Variants in SEPTIN9 observed in about 807,000 individuals in gnomAD.
SEPTIN9 encodes the protein septin 9, also known as septin-9.
A neutral mutation model predicts 56.6 loss-of-function variants in SEPTIN9; 13 were observed. That is an observed-to-expected ratio of 0.23 (90% confidence interval 0.15 to 0.37). The LOEUF (loss-of-function observed/expected upper bound fraction) is 0.37. SEPTIN9 is among the 10% of genes least tolerant of loss of function. SEPTIN9 has a pLI of 1.00. For missense variants in SEPTIN9, 650 were observed against 823.1 expected, an observed-to-expected ratio of 0.79 and a Z score of 2.57; for synonymous variants, 332 against 334.1, an observed-to-expected ratio of 0.99 and a Z score of 0.07.
intron 2 of SEPTIN9, among the ~76,000 whole-genome samples, chr17:77,386,147 G>A (rs931240827): frequency 6.6e-6 from 1 of 152,188 alleles, no homozygotes; most frequent in Non-Finnish European, 1.5e-5. Context: ...AGCCATGCTG[G>A]GGATAACTTG....
At chr17:77,483,093 G>T (rs1382310672) in intron 4 of SEPTIN9, 1 of 155,826 alleles carries the variant, frequency 6.4e-6, no homozygotes, top group Non-Finnish European at 1.4e-5. Context: ...GGAGGGGTCT[G>T]GGGAAGTGCC....
Position 77,491,631 on chromosome 17 carries a change from C to T in SEPTIN9, c.1380+772C>T, listed in dbSNP as rs557122468. On this transcript the variant is annotated intron_variant, in intron 8 of 11. Transcript: ENST00000427177. ...AGTTTGAGGCCAACATGATGAAACC[C>T]CATCTCTACTAAAAATACAAAAATA... Among the ~76,000 whole-genome samples the T allele has an allele frequency of 2.6e-5, 4 of 151,646 alleles. No individual in the cohort carries two copies. In the East Asian group the frequency reaches 8.0e-4, roughly 30 times the overall value.
rs1488176562 is a variant in SEPTIN9 at position 77,498,718 on chromosome 17, C to A, written c.*60C>A. 8.3e-6 allele frequency: 7 copies of A among 841,734 alleles called. No homozygotes were observed. Among genetic ancestry groups the A allele is most frequent in the Non-Finnish European group, 1.3e-5 (7 of 546,428 alleles). The allele number at this position is 841,734 out of a possible 1,614,324, so 52.1% of individuals were successfully genotyped here. On this transcript the variant is annotated 3_prime_UTR_variant, in exon 12 of 12. Coordinates refer to ENST00000427177, the MANE Select transcript of SEPTIN9 (RefSeq NM_001113491.2). ...AAGTCATTTCCGTCCCCCCCCAGGC[C>A]CTCCCACCACCCCATTTTATTTTAT...
chr17:77,407,437 C>T (rs560401686), intron 3 of SEPTIN9, among the ~76,000 whole-genome samples: 1 of 152,040 alleles, frequency 6.6e-6, no homozygotes, highest in African/African-American at 2.4e-5. Context: ...GTAGTGACCC[C>T]CATGGGTCGT....
chr17:77,418,880 C>CCCCT (rs1336581962), intron 3 of SEPTIN9, among the ~76,000 whole-genome samples: 1 of 152,128 alleles, frequency 6.6e-6, no homozygotes, highest in Non-Finnish European at 1.5e-5. Flanking sequence ...TGAGCTGAGG[C>CCCCT]CCCTGGAAGC....
intron 3 of SEPTIN9, among the ~76,000 whole-genome samples, chr17:77,418,038 G>A (rs1265782433): frequency 6.6e-6 from 1 of 152,156 alleles, no homozygotes; most frequent in Non-Finnish European, 1.5e-5. Context: ...CCTGGCGGTG[G>A]GGGGAGTGCC....
rs1032056629 is a variant in SEPTIN9, at chr17:77,437,548, T to C, written c.721+34845T>C. 3.9e-5 allele frequency among the ~76,000 whole-genome samples: 6 copies of C among 151,998 alleles called. No homozygotes were observed. The highest frequency in any genetic ancestry group is 1.4e-4 in the African/African-American group (6 of 41,380). Reference sequence around the variant, plus strand: ...GAGGTCAGGAGGCTGCTCAAGACCTTCTGCCCCTCAGGGACCAGGTGAGGG... The same window carrying C: ...GAGGTCAGGAGGCTGCTCAAGACCTCCTGCCCCTCAGGGACCAGGTGAGGG... On this transcript the variant is annotated intron_variant, in intron 3 of 11. Transcript: ENST00000427177. This position sits in a 1 kb window ranked among gnomAD's most constrained non-coding sequence, Gnocchi z 5.3.
At chr17:77,301,915 C>T (rs2032070699) in intron 1 of SEPTIN9, among the ~76,000 whole-genome samples, 2 of 152,164 alleles carry the variant, frequency 1.3e-5, no homozygotes, top group South Asian at 2.1e-4. Context: ...TCCTCTGAGA[C>T]AGCCCCATCC....
chr17:77,370,456 T>A (rs1050297123), intron 2 of SEPTIN9, among the ~76,000 whole-genome samples: 7 of 152,212 alleles, frequency 4.6e-5, no homozygotes, highest in African/African-American at 1.4e-4. Context: ...TTGCCTAAAT[T>A]CTTTCTGCAG....
intron 3 of SEPTIN9, among the ~76,000 whole-genome samples, chr17:77,440,640 C>T (rs896110212): frequency 2.6e-5 from 4 of 152,244 alleles, no homozygotes; most frequent in Admixed American, 1.3e-4. Context: ...CTGCTGCCCA[C>T]GCTCCCACAG....
chr17:77,401,912 G>A (rs2035912538), intron 2 of SEPTIN9, 147 bp from the exon 3 acceptor site: 5 of 750,100 alleles, frequency 6.7e-6, no homozygotes, highest in East Asian at 2.7e-5. Context: ...TGTCCCTTCC[G>A]CTTGCTGAGA....
intron 3 of SEPTIN9, among the ~76,000 whole-genome samples, chr17:77,463,418 T>G (rs2038571645): frequency 6.6e-6 from 1 of 152,178 alleles, no homozygotes; most frequent in Admixed American, 6.5e-5. Flanking sequence ...CACCCCAAGA[T>G]AAATTTGCCG....
chr17:77,348,653 A>G (rs893509298), intron 2 of SEPTIN9, among the ~76,000 whole-genome samples: 2 of 152,138 alleles, frequency 1.3e-5, no homozygotes, highest in African/African-American at 2.4e-5. Flanking sequence ...TAGTTACTTT[A>G]TAGATTCTAT....
At position 77,367,214 on chromosome 17, in the gene SEPTIN9, A is replaced by G. The variant is rs554818158; in HGVS notation, c.77-34845A>G. The stretch of plus-strand genomic sequence containing the variant: ...GGCTGCTCCCAGTACAGGTGATGTA[A>G]AGAGAGAAGGGGTTCCGGGGGCTTG... On this transcript the variant is annotated intron_variant, in intron 2 of 11. Transcript: ENST00000427177. This position sits in a 1 kb window ranked among gnomAD's most constrained non-coding sequence, Gnocchi z 4.5. 1.3e-5 allele frequency among the ~76,000 whole-genome samples: 2 copies of G among 152,286 alleles called. No individual in the cohort carries two copies. Among genetic ancestry groups the G allele is most frequent in the Admixed American group, 6.5e-5 (1 of 15,308 alleles).
At position 77,281,630 on chromosome 17, in the gene SEPTIN9, G is replaced by T. The variant is rs566438789; in HGVS notation, c.19+76G>T. 3.5e-4 allele frequency: 484 copies of T among 1,398,402 alleles called. 3 individuals carry two copies. In the East Asian group the frequency reaches 0.01, roughly 29 times the overall value. 86.6% of individuals were successfully genotyped at this position (1,398,402 alleles called of 1,614,324 possible). ...TGCTCACCTGAGTGCCTGCGGCCGG[G>T]AGTGGCGAGGCGCCCCCGGAGCTGA... is the stretch of plus-strand genomic sequence containing the variant. On this transcript the variant is annotated intron_variant, in intron 1 of 11. Transcript: ENST00000427177.
At chr17:77,427,337 A>T (rs1040428416) in intron 3 of SEPTIN9, 1 of 152,258 alleles carries the variant, frequency 6.6e-6, no homozygotes, top group Non-Finnish European at 1.5e-5. Flanking sequence ...ACGAGATGGG[A>T]TGCAGGGGAA....
At chr17:77,380,667 C>T (rs1340792019) in intron 2 of SEPTIN9, among the ~76,000 whole-genome samples, 1 of 152,156 alleles carries the variant, frequency 6.6e-6, no homozygotes, top group East Asian at 1.9e-4. Context: ...CTCGCCTTCC[C>T]ATCCACCCGC....
At chr17:77,466,275 C>A in intron 3 of SEPTIN9, 1 of 441,198 alleles carries the variant, frequency 2.3e-6, no homozygotes, top group Non-Finnish European at 3.0e-6. Context: ...AGCCGAGGAG[C>A]CCAGCTGGCT....
At chr17:77,497,537 A>G in intron 11 of SEPTIN9, 171 bp downstream of exon 11, 1 of 662,174 alleles carries the variant, frequency 1.5e-6, no homozygotes, top group Non-Finnish European at 2.7e-6. Context: ...GAAAAAGAAA[A>G]CCCACTGGGA....
Sources: gnomAD v4.1 joint callset for allele counts (sites outside exome capture counted in the v4.1 genomes callset) on GRCh38, gnomAD v4.1.1 for gene constraint, Gnocchi (gnomAD v3.1) non-coding constraint, MANE v1.5 for transcripts, NCBI Gene and HGNC (gene_info 2026-07-23, HGNC 2026-07-21) for gene names.